VIRMA: variants seen among roughly 807,000 people sequenced by gnomAD.
The protein encoded by VIRMA is vir like m6A methyltransferase associated, also known as protein virilizer homolog.
VIRMA carries 65 observed loss-of-function variants against 182.4 expected under a neutral mutation model. That is an observed-to-expected ratio of 0.36 (90% CI 0.29 to 0.44). The LOEUF is 0.44. Ranked by LOEUF, VIRMA falls within the 20% of genes least tolerant of loss-of-function variation. The pLI, the probability that VIRMA is intolerant of heterozygous loss-of-function variation, is 1.00. For missense variants in VIRMA, 1,752 were observed against 2,158.1 expected, an observed-to-expected ratio of 0.81 and a Z score of 3.73; for synonymous variants, 709 against 743.1, an observed-to-expected ratio of 0.95 and a Z score of 0.75.
In VIRMA at chr8:94,509,946, A is replaced by G. The variant is rs1312280498; in HGVS notation, c.3627-6T>C. The G allele has an allele frequency of 6.3e-7, 1 of 1,595,204 alleles. No homozygotes were observed. The highest frequency in any genetic ancestry group is 1.4e-5 in the African/African-American group (1 of 73,890). ...TTTCTTTATCTTCTGAAGTGCTGAA[A>G]TAAAATCGATACATTTAGTAAACAA... On this transcript the variant is annotated splice_region_variant and splice_polypyrimidine_tract_variant and intron_variant, in intron 14 of 23. Transcript: ENST00000297591.
Position 94,526,916 on chromosome 8 carries a change from A to C in VIRMA, c.1328T>G (p.Val443Gly). ...DWTMQALNLQ[V>G]ALRQPIALNV... Reference sequence around the variant, plus strand: ...TAAGGCGATAGGTTGGCGAAGCGCTACTTGTAAATTTAAAGCTTGCATGGT... The same window carrying C: ...TAAGGCGATAGGTTGGCGAAGCGCTCCTTGTAAATTTAAAGCTTGCATGGT... Residue 443 changes from valine (V) to glycine (G), a missense_variant, in exon 8 of 24, where the codon GTA (valine) becomes GGA (glycine). Val to Gly is a moderately radical substitution (Grantham distance 109). Transcript: ENST00000297591. The C allele has an allele frequency of 6.2e-7, 1 of 1,614,194 alleles. No homozygotes were observed. Among genetic ancestry groups the C allele is most frequent in the Non-Finnish European group, 8.5e-7 (1 of 1,180,008 alleles).
Position 94,520,080 on chromosome 8 carries a change from G to C in VIRMA, c.2022-604C>G, listed in dbSNP as rs528443541. ...ACAAAAATTAGCCAGGCGTGGTGGC[G>C]CATGTCTGTAGTCTCAGCTACTGAA... On this transcript the variant is annotated intron_variant, in intron 8 of 23. Transcript: ENST00000297591. Among the ~76,000 whole-genome samples, 7 of 151,040 alleles carry C rather than the reference G, an allele frequency of 4.6e-5. No homozygotes were observed. The East Asian group carries it at 1.4e-3, about 30-fold the overall frequency.
intron 1 of VIRMA, chr8:94,546,898 A>G (rs1476907125): frequency 2.2e-6 from 1 of 455,542 alleles, no homozygotes; most frequent in Non-Finnish European, 4.4e-6. Context: ...TATAAACAAG[A>G]CTGGCTTCTT....
Position 94,519,427 on chromosome 8 carries a change from T to C in VIRMA, c.2071A>G (p.Ile691Val), listed in dbSNP as rs755479170. Reference sequence around the variant, plus strand: ...CCAGGGTGAGCACTTGTTACTGGAATTGACAGAAGCAAGGTAACCAACTCC... The same window carrying C: ...CCAGGGTGAGCACTTGTTACTGGAACTGACAGAAGCAAGGTAACCAACTCC... ...FLELVTLLLSIPVTSAHPGVL... is the reference protein window; with the variant it reads ...FLELVTLLLSVPVTSAHPGVL... The change falls in exon 9 of 24, where the codon ATT becomes GTT. Residue 691 changes from isoleucine (I) to valine (V), a missense_variant. Transcript: ENST00000297591. The C allele has an allele frequency of 7.8e-6, 12 of 1,529,412 alleles. No homozygotes were observed. The highest frequency in any genetic ancestry group is 1.8e-4 in the Middle Eastern group (1 of 5,664). 94.7% of individuals were successfully genotyped at this position (1,529,412 alleles called of 1,614,324 possible). A position where few individuals can be genotyped will look rare whatever the true frequency, so the allele number is the denominator to read the frequency against.
At chr8:94,495,975 T>C in intron 18 of VIRMA, 84 bp from the exon 19 acceptor site, 1 of 1,203,462 alleles carries the variant, frequency 8.3e-7, no homozygotes, top group Non-Finnish European at 1.2e-6. Flanking sequence ...GAAAAGGCTA[T>C]ATGTATTATT....
intron 7 of VIRMA, 126 bp downstream of exon 7, chr8:94,528,944 C>A (rs764553085): frequency 1.7e-4 from 203 of 1,197,630 alleles, no homozygotes; most frequent in Non-Finnish European, 2.2e-4. Context: ...TGAGGCCTAG[C>A]TACATTCTGA....
intron 3 of VIRMA, among the ~76,000 whole-genome samples, chr8:94,537,832 G>C (rs1186662424): frequency 6.6e-6 from 1 of 152,018 alleles, no homozygotes. Flanking sequence ...AATCAAAAAA[G>C]GGGGTATCTA....
rs199755432 is a variant in VIRMA at position 94,538,273 on chromosome 8, C to T, written c.253G>A (p.Asp85Asn). ...GCAGGTACATACCTTCCCAACCTATCGAAAACAGGGGCACTTGGTTTGCTT... is the reference window on the plus strand; with the variant it reads ...GCAGGTACATACCTTCCCAACCTATTGAAAACAGGGGCACTTGGTTTGCTT... ...NVSKPSAPVF[D>N]RLGSLEYDEN... The change falls in exon 3 of 24, where the codon GAT becomes AAT. Residue 85 changes from aspartate to asparagine, a missense_variant. Around this residue, in one of 11 missense-constraint regions of VIRMA, gnomAD observed 195 missense variants for 191.7 expected, o/e 1.02. Transcript: ENST00000297591. 10 of 1,611,714 alleles carry T rather than the reference C, an allele frequency of 6.2e-6. No individual in the cohort carries two copies. The highest frequency in any genetic ancestry group is 1.7e-4 in the Middle Eastern group (1 of 6,054).
Position 94,526,796 on chromosome 8 carries a change from AT to A in VIRMA, c.1447del (p.Ile483SerfsTer19). The part of the protein sequence containing the change: ...GVTGLLQAGV[I>X]SGLFELLFAD... ...AAACAGAAGTTCAAATAATCCACTG[AT>A]CACTCCTGCTTGTAGCAGTCCTGTA... On this transcript the variant is annotated frameshift_variant, in exon 8 of 24. Transcript: ENST00000297591. LOFTEE classifies it high-confidence loss of function. 6.2e-7 allele frequency: 1 copy of A among 1,614,118 alleles called. No homozygotes were observed. The highest frequency in any genetic ancestry group is 8.5e-7 in the Non-Finnish European group (1 of 1,180,022).
chr8:94,546,982 T>A, intron 1 of VIRMA: 1 of 455,418 alleles, frequency 2.2e-6, no homozygotes, highest in Non-Finnish European at 4.4e-6. Context: ...ATGTTCTCTC[T>A]GCTTGAAATC....
intron 16 of VIRMA, among the ~76,000 whole-genome samples, chr8:94,502,252 TGCTTGA>T (rs1302980172): frequency 6.6e-6 from 1 of 151,962 alleles, no homozygotes; most frequent in East Asian, 1.9e-4. Flanking sequence ...TCAGGAGAAG[TGCTTGA>T]GCCCGGGAGG....
At position 94,551,124 on chromosome 8, in the gene VIRMA, C is replaced by T. The variant is rs149943599; in HGVS notation, c.63+2261G>A. 2.0e-4 allele frequency among the ~76,000 whole-genome samples: 30 copies of T among 152,346 alleles called. No individual in the cohort carries two copies. In the East Asian group the frequency reaches 4.2e-3, roughly 22 times the overall value. On this transcript the variant is annotated intron_variant, in intron 1 of 23. Coordinates refer to ENST00000297591, the MANE Select transcript of VIRMA (RefSeq NM_015496.5). ...GCTACTTCAAGCATACCCTAACAGA[C>T]GACTGACTACCCCAGTAGAATGCCC...
At position 94,526,429 on chromosome 8, in the gene VIRMA, C is replaced by G; in HGVS notation, c.1815G>C (p.Val605=). Residue 605 remains valine (V), a synonymous_variant, in exon 8 of 24, where the codon GTG becomes GTC. Transcript: ENST00000297591. ...ERTNPEYENE[V]EASMDMDLLE... ...AAAGATCCATATCCATAGAAGCTTC[C>G]ACCTCATTTTCATATTCTGGGTTTG... 6.2e-7 allele frequency: 1 copy of G among 1,613,752 alleles called. No individual in the cohort carries two copies. Among genetic ancestry groups the G allele is most frequent in the Non-Finnish European group, 8.5e-7 (1 of 1,179,926 alleles).
intron 19 of VIRMA, among the ~76,000 whole-genome samples, chr8:94,495,527 A>T (rs1316587120): frequency 6.6e-6 from 1 of 151,286 alleles, no homozygotes; most frequent in Non-Finnish European, 1.5e-5. Flanking sequence ...GTTTCTGTAC[A>T]GCCTGCAAGC....
At chr8:94,489,398 T>C (rs1467959638) in intron 23 of VIRMA, among the ~76,000 whole-genome samples, 1 of 152,210 alleles carries the variant, frequency 6.6e-6, no homozygotes, top group Non-Finnish European at 1.5e-5. Flanking sequence ...TTCAAGGATA[T>C]AAACTTTAGA....
At chr8:94,512,365 AAAGAT>A (rs1184885198) in intron 11 of VIRMA, 2 of 175,074 alleles carry the variant, frequency 1.1e-5, no homozygotes, top group Non-Finnish European at 2.4e-5. Context: ...CAACTAGAAC[AAAGAT>A]AACATAAAGA....
intron 9 of VIRMA, 142 bp from the exon 10 acceptor site, chr8:94,518,084 C>G (rs921157881): frequency 1.7e-6 from 1 of 591,086 alleles, no homozygotes; most frequent in Admixed American, 3.0e-5. Flanking sequence ...GACAAGAAAT[C>G]AGATTTTACA....
chr8:94,490,103 C>G (rs1813562675), intron 22 of VIRMA, 21 bp from the exon 23 acceptor site: 1 of 1,577,910 alleles, frequency 6.3e-7, no homozygotes, highest in Non-Finnish European at 8.6e-7. Context: ...ACAGCACAAT[C>G]AAAATCACTT....
chr8:94,551,850 G>A (rs937407200), intron 1 of VIRMA, among the ~76,000 whole-genome samples: 5 of 152,142 alleles, frequency 3.3e-5, no homozygotes, highest in Middle Eastern at 3.4e-3. Context: ...TCAGCCTCCC[G>A]AGTAGCTGGG....
Sources: gnomAD v4.1 joint callset for allele counts (sites outside exome capture counted in the v4.1 genomes callset) on GRCh38, gnomAD v4.1.1 for gene constraint, gnomAD v4.1.1 regional missense constraint, MANE v1.5 for transcripts, NCBI Gene and HGNC (gene_info 2026-07-23, HGNC 2026-07-21) for gene names.